GPATCH8: variants seen among roughly 807,000 people sequenced by gnomAD.
GPATCH8 encodes the protein G-patch domain containing 8.
A neutral mutation model predicts 118.3 loss-of-function variants in GPATCH8; 18 were observed. The observed-to-expected ratio is 0.15, with a 90% CI of 0.11 to 0.23. The LOEUF (loss-of-function observed/expected upper bound fraction) is 0.23. Ranked by LOEUF, GPATCH8 falls within the 10% of genes least tolerant of loss-of-function variation. The pLI is 1.00. For synonymous variants in GPATCH8, 659 were observed against 684.7 expected, an observed-to-expected ratio of 0.96 and a Z score of 0.59; for missense variants, 1,631 against 1,873.8, an observed-to-expected ratio of 0.87 and a Z score of 2.39.
In GPATCH8 at chr17:44,426,360, T is replaced by C. The variant is rs568765459; in HGVS notation, c.349-1868A>G. On this transcript the variant is annotated intron_variant, in intron 5 of 7. Transcript: ENST00000591680. ...GCTCACGCCTGTAATCCCAGCACTT[T>C]GGGAGGCCGAGGCAGGCAGATGGCT... Among the ~76,000 whole-genome samples the C allele has an allele frequency of 3.3e-5, 5 of 152,272 alleles. No homozygotes were observed. The South Asian group carries it at 8.3e-4, about 25-fold the overall frequency.
At chr17:44,437,952 A>AAG (rs1946063528) in intron 3 of GPATCH8, among the ~76,000 whole-genome samples, 2 of 121,808 alleles carry the variant, frequency 1.6e-5, no homozygotes, top group African/African-American at 5.2e-5. Context: ...TCAGAAAAAA[A>AAG]AAAAAAACAA....
At chr17:44,425,766 T>G (rs1010307767) in intron 5 of GPATCH8, among the ~76,000 whole-genome samples, 1 of 152,156 alleles carries the variant, frequency 6.6e-6, no homozygotes, top group African/African-American at 2.4e-5. Flanking sequence ...TGGGCTCAAG[T>G]GATCCTCCCA....
At chr17:44,490,750 T>G (rs573133551) in intron 1 of GPATCH8, among the ~76,000 whole-genome samples, 1 of 152,298 alleles carries the variant, frequency 6.6e-6, no homozygotes, top group East Asian at 1.9e-4. Context: ...CTTCAACTTG[T>G]GGCAGATCTA....
At chr17:44,490,506 A>C (rs1969161374) in intron 1 of GPATCH8, among the ~76,000 whole-genome samples, 1 of 152,116 alleles carries the variant, frequency 6.6e-6, no homozygotes, top group Non-Finnish European at 1.5e-5. Flanking sequence ...TAAAAAAATG[A>C]TGACTGCTTG....
intron 6 of GPATCH8, chr17:44,409,275 T>A (rs994272671): frequency 2.0e-4 from 31 of 152,184 alleles, no homozygotes; most frequent in African/African-American, 6.8e-4. Flanking sequence ...CGCACTATAG[T>A]TCAGAACTCC....
intron 6 of GPATCH8, among the ~76,000 whole-genome samples, chr17:44,411,436 G>A (rs958068073): frequency 2.0e-5 from 3 of 152,054 alleles, no homozygotes; most frequent in Non-Finnish European, 2.9e-5. Context: ...TTTGACACTA[G>A]GAGTTTATAT....
In GPATCH8 at chr17:44,414,115, A is replaced by ATGTATATATATGTGTATATATATG. The variant is rs1474292221; in HGVS notation, c.493-8065_493-8064insCATATATATACACATATATATACA. Reference sequence around the variant, plus strand: ...TATATATATATGTGTGTATATATATATGTATATATATGTGTATATATATAT... The same window carrying ATGTATATATATGTGTATATATATG: ...TATATATATATGTGTGTATATATATATGTATATATATGTGTATATATATGTGTATATATATGTGTATATATATAT... On this transcript the variant is annotated intron_variant, in intron 6 of 7. Coordinates refer to ENST00000591680, the MANE Select transcript of GPATCH8 (RefSeq NM_001002909.4). Among the ~76,000 whole-genome samples, 3 of 83,444 alleles carry ATGTATATATATGTGTATATATATG rather than the reference A, an allele frequency of 3.6e-5. No homozygotes were observed. The South Asian group carries it at 9.0e-4, about 25-fold the overall frequency. The allele number at this position is 83,444 out of a possible 152,430, so 54.7% of individuals were successfully genotyped here. A position where few individuals can be genotyped will look rare whatever the true frequency, so the allele number is the denominator to read the frequency against.
At chr17:44,433,531 G>A (rs2050392484) in intron 5 of GPATCH8, among the ~76,000 whole-genome samples, 1 of 152,162 alleles carries the variant, frequency 6.6e-6, no homozygotes, top group Admixed American at 6.5e-5. Flanking sequence ...AGGCAGAGTG[G>A]TTAATTATTT....
chr17:44,432,363 C>A (rs2050349825), intron 5 of GPATCH8, among the ~76,000 whole-genome samples: 1 of 151,878 alleles, frequency 6.6e-6, no homozygotes, highest in Non-Finnish European at 1.5e-5. Context: ...TAAAAACATA[C>A]GGGAAGGCAG....
chr17:44,413,954 T>C (rs991446660), intron 6 of GPATCH8, among the ~76,000 whole-genome samples: 2 of 151,856 alleles, frequency 1.3e-5, no homozygotes, highest in East Asian at 1.9e-4. Context: ...TAATTTGTCA[T>C]AAAATTACCA....
chr17:44,490,308 A>G (rs1969145381), intron 1 of GPATCH8, among the ~76,000 whole-genome samples: 1 of 152,122 alleles, frequency 6.6e-6, no homozygotes. Context: ...ACCTTGTCTT[A>G]GAAAAAAACA....
intron 5 of GPATCH8, among the ~76,000 whole-genome samples, chr17:44,428,358 T>C (rs1267618840): frequency 6.6e-6 from 1 of 151,128 alleles, no homozygotes; most frequent in Non-Finnish European, 1.5e-5. Flanking sequence ...CCAGGTGTGG[T>C]GGTGGGCGCC....
At chr17:44,489,651 C>T (rs915977742) in intron 1 of GPATCH8, among the ~76,000 whole-genome samples, 2 of 152,030 alleles carry the variant, frequency 1.3e-5, no homozygotes, top group African/African-American at 4.8e-5. Context: ...CCTTTTGTCC[C>T]TTTTGAATGT....
At chr17:44,487,455 C>T (rs1373589844) in intron 1 of GPATCH8, among the ~76,000 whole-genome samples, 3 of 152,302 alleles carry the variant, frequency 2.0e-5, no homozygotes, top group South Asian at 2.1e-4. Context: ...ATAAAGAATG[C>T]TATAAACATC....
rs2050451378 is a variant in GPATCH8, at chr17:44,435,050, G to A, written c.348+15C>T. 2.7e-6 allele frequency: 3 copies of A among 1,112,212 alleles called. No individual in the cohort carries two copies. The highest frequency in any genetic ancestry group is 4.7e-5 in the East Asian group (2 of 42,674). 68.9% of individuals were successfully genotyped at this position (1,112,212 alleles called of 1,614,324 possible). A position where few individuals can be genotyped will look rare whatever the true frequency, so the allele number is the denominator to read the frequency against. ...GCACCTCCCCATCTCCCAATGAATA[G>A]CTTTGTTTAAATACCTTGTACTTTT... On this transcript the variant is annotated intron_variant, in intron 5 of 7. Coordinates refer to ENST00000591680, the MANE Select transcript of GPATCH8 (RefSeq NM_001002909.4).
intron 3 of GPATCH8, among the ~76,000 whole-genome samples, chr17:44,446,241 T>C (rs745908639): frequency 1.3e-5 from 2 of 151,960 alleles, no homozygotes; most frequent in Non-Finnish European, 2.9e-5. Flanking sequence ...TGAGTCACCA[T>C]GCCGCCTATA....
chr17:44,478,461 G>C (rs1967942957), intron 1 of GPATCH8, among the ~76,000 whole-genome samples: 1 of 151,944 alleles, frequency 6.6e-6, no homozygotes, highest in African/African-American at 2.4e-5. Flanking sequence ...CATCAACTTG[G>C]GCAACATAGC....
chr17:44,458,124 G>A (rs1161986456), intron 3 of GPATCH8, among the ~76,000 whole-genome samples: 2 of 150,606 alleles, frequency 1.3e-5, no homozygotes, highest in Admixed American at 1.3e-4. Flanking sequence ...GGTGGCATGC[G>A]CCTGTAGTCC....
chr17:44,436,619 G>A lies in GPATCH8; in HGVS notation c.194-74C>T, dbSNP rs1001906211. 1.2e-5 allele frequency: 10 copies of A among 810,108 alleles called. No homozygotes were observed. In the African/African-American group the frequency reaches 1.7e-4, roughly 14 times the overall value. 50.2% of individuals were successfully genotyped at this position (810,108 alleles called of 1,614,324 possible). A position where few individuals can be genotyped will look rare whatever the true frequency, so the allele number is the denominator to read the frequency against. The stretch of plus-strand genomic sequence containing the variant: ...GCTCATTTTACACATTGGGTTTTGG[G>A]TGGTTAGAGATCTTGCCTTGGAGTG... On this transcript the variant is annotated intron_variant, in intron 3 of 7. Coordinates refer to ENST00000591680, the MANE Select transcript of GPATCH8 (RefSeq NM_001002909.4).
Sources: gnomAD v4.1 joint callset for allele counts (sites outside exome capture counted in the v4.1 genomes callset) on GRCh38, gnomAD v4.1.1 for gene constraint, MANE v1.5 for transcripts, NCBI Gene and HGNC (gene_info 2026-07-23, HGNC 2026-07-21) for gene names.